The following APBB2 variants were observed in gnomAD, a reference collection of about 807,000 sequenced individuals.
APBB2 encodes amyloid beta precursor protein binding family B member 2.
A neutral mutation model predicts 82.5 loss-of-function variants in APBB2; 38 were observed. The ratio of observed to expected loss-of-function variants is 0.46; its 90% CI spans 0.36 to 0.60. APBB2 has a LOEUF of 0.60. APBB2 is among the 20% of genes least tolerant of loss of function. The pLI is 0.00. For missense variants in APBB2, 772 were observed against 972.3 expected, an observed-to-expected ratio of 0.79 and a Z score of 2.74; for synonymous variants, 341 against 368.2, an observed-to-expected ratio of 0.93 and a Z score of 0.85.
intron 3 of APBB2, among the ~76,000 whole-genome samples, chr4:41,074,535 C>G (rs1436767111): frequency 6.6e-6 from 1 of 151,948 alleles, no homozygotes; most frequent in Non-Finnish European, 1.5e-5. Flanking sequence ...ATTGATTTAT[C>G]AACAAAGAAC....
chr4:41,113,376 G>A (rs1434429978), intron 2 of APBB2, among the ~76,000 whole-genome samples: 2 of 152,174 alleles, frequency 1.3e-5, no homozygotes, highest in Non-Finnish European at 2.9e-5. Flanking sequence ...TAGATTTAAA[G>A]AGAGGTAAGA....
chr4:40,995,903 C>A (rs1803517663), intron 6 of APBB2, among the ~76,000 whole-genome samples: 1 of 152,066 alleles, frequency 6.6e-6, no homozygotes. Context: ...CTCCTGGCCT[C>A]AAGAGATCCT....
chr4:40,947,466 G>T (rs1231162766), intron 6 of APBB2, among the ~76,000 whole-genome samples: 1 of 152,244 alleles, frequency 6.6e-6, no homozygotes, highest in Non-Finnish European at 1.5e-5. Context: ...AGAGGCCAAG[G>T]TTGGTGGCTT....
At chr4:41,022,468 T>C (rs1178823527) in intron 5 of APBB2, among the ~76,000 whole-genome samples, 2 of 152,154 alleles carry the variant, frequency 1.3e-5, no homozygotes, top group Non-Finnish European at 2.9e-5. Flanking sequence ...ACACTCTCAG[T>C]ACCCTTCCTT....
chr4:40,856,912 G>A, intron 12 of APBB2: 3 of 976,736 alleles, frequency 3.1e-6, no homozygotes, highest in Non-Finnish European at 1.2e-6. Flanking sequence ...CCTTTGTCCC[G>A]CAGGTCTCCC....
chr4:40,888,796 G>A (rs905716592), intron 12 of APBB2, among the ~76,000 whole-genome samples: 6 of 151,394 alleles, frequency 4.0e-5, no homozygotes, highest in Admixed American at 6.6e-5. Flanking sequence ...CCTCGCACAC[G>A]TATGTAGTGT....
At chr4:41,114,557 G>T (rs899404404) in intron 2 of APBB2, among the ~76,000 whole-genome samples, 25 of 152,196 alleles carry the variant, frequency 1.6e-4, no homozygotes, top group African/African-American at 5.5e-4. Context: ...TGACATGATT[G>T]TGTATTTAGA....
chr4:40,924,677 A>G (rs1782157291), intron 10 of APBB2, among the ~76,000 whole-genome samples: 1 of 152,220 alleles, frequency 6.6e-6, no homozygotes, highest in Admixed American at 6.5e-5. Context: ...CCATCTTTGA[A>G]GAGGATCCTC....
At chr4:40,816,621 G>A (rs1462628551) in intron 17 of APBB2, among the ~76,000 whole-genome samples, 1 of 152,146 alleles carries the variant, frequency 6.6e-6, no homozygotes, top group Non-Finnish European at 1.5e-5. Flanking sequence ...GCAAATCTAG[G>A]CAGGTGCTCA....
intron 6 of APBB2, among the ~76,000 whole-genome samples, chr4:41,012,418 T>C (rs1473791421): frequency 1.3e-5 from 2 of 152,158 alleles, no homozygotes; most frequent in Non-Finnish European, 2.9e-5. Context: ...TCAGGGACAT[T>C]ACTGAACATA....
At chr4:41,165,128 C>T (rs893732658) in intron 1 of APBB2, among the ~76,000 whole-genome samples, 12 of 152,222 alleles carry the variant, frequency 7.9e-5, no homozygotes, top group African/African-American at 2.9e-4. Flanking sequence ...TTTGAGATGT[C>T]CGCAAGGCAC....
intron 1 of APBB2, among the ~76,000 whole-genome samples, chr4:41,202,005 G>C (rs997535685): frequency 6.6e-6 from 1 of 152,324 alleles, no homozygotes; most frequent in African/African-American, 2.4e-5. Flanking sequence ...CGGAGCTTCA[G>C]ACCCAGCAGC....
chr4:40,946,254 A>AAAAAAAAAAC lies in APBB2; in HGVS notation c.836-1182_836-1181insGTTTTTTTTT, dbSNP rs1553875174. Among the ~76,000 whole-genome samples, 842 of 114,438 alleles carry AAAAAAAAAAC rather than the reference A, an allele frequency of 7.4e-3. 66 individuals carry two copies. The highest frequency in any genetic ancestry group is 0.026 in the African/African-American group (791 of 30,194). The allele number at this position is 114,438 out of a possible 152,430, so 75.1% of individuals were successfully genotyped here. ...CTCCAAAAAAAAAAAAAAAAAAAAAACATTCCCAAGGAAAGCAGATTGGAA... is the reference window on the plus strand; with the variant it reads ...CTCCAAAAAAAAAAAAAAAAAAAAAAAAAAAAAAACCATTCCCAAGGAAAGCAGATTGGAA... On this transcript the variant is annotated intron_variant, in intron 6 of 17. Coordinates refer to ENST00000508593, the MANE Select transcript of APBB2 (RefSeq NM_004307.2).
At chr4:40,859,495 G>A (rs1345132212) in intron 12 of APBB2, among the ~76,000 whole-genome samples, 4 of 151,980 alleles carry the variant, frequency 2.6e-5, no homozygotes, top group South Asian at 4.1e-4. Context: ...ATGAGCCACC[G>A]CACCCGGCCT....
intron 1 of APBB2, among the ~76,000 whole-genome samples, chr4:41,181,342 G>A (rs1296715666): frequency 6.6e-6 from 1 of 152,200 alleles, no homozygotes; most frequent in Non-Finnish European, 1.5e-5. Context: ...GATAATGGGA[G>A]ACGATGAAAC....
intron 2 of APBB2, among the ~76,000 whole-genome samples, chr4:41,116,772 C>G (rs4861374): frequency 0.11 from 17,432 of 152,100 alleles, 1,254 homozygotes; most frequent in Non-Finnish European, 0.16. Context: ...TTGTACTGTT[C>G]TTTTTTCTAT....
At chr4:41,111,481 G>T (rs1560781047) in intron 2 of APBB2, among the ~76,000 whole-genome samples, 1 of 152,162 alleles carries the variant, frequency 6.6e-6, no homozygotes. Context: ...CAGTTATAGT[G>T]AAACTATTCC....
At chr4:41,005,360 T>G (rs1332076356) in intron 6 of APBB2, among the ~76,000 whole-genome samples, 3 of 152,200 alleles carry the variant, frequency 2.0e-5, no homozygotes, top group African/African-American at 7.2e-5. Context: ...AGTGCTGGCA[T>G]TACAGGCATG....
intron 12 of APBB2, among the ~76,000 whole-genome samples, chr4:40,836,535 G>C (rs1754010030): frequency 6.6e-6 from 1 of 152,184 alleles, no homozygotes; most frequent in Non-Finnish European, 1.5e-5. Context: ...CCTGGCGACT[G>C]GGGAAGAAAG....
Sources: gnomAD v4.1 joint callset for allele counts (sites outside exome capture counted in the v4.1 genomes callset) on GRCh38, gnomAD v4.1.1 for gene constraint, MANE v1.5 for transcripts, NCBI Gene and HGNC (gene_info 2026-07-23, HGNC 2026-07-21) for gene names.